Variants in HDAC8 observed in about 807,000 individuals in gnomAD.
HDAC8 encodes the protein histone deacetylase 8.
A neutral mutation model predicts 32.2 loss-of-function variants in HDAC8; 1 was observed. That is an observed-to-expected ratio of 0.03 (90% confidence interval 0.01 to 0.15). HDAC8 has a LOEUF of 0.15. Ranked by LOEUF, HDAC8 falls within the 10% of genes least tolerant of loss-of-function variation. The pLI is 1.00. For synonymous variants in HDAC8, 108 were observed against 113.9 expected, an observed-to-expected ratio of 0.95 and a Z score of 0.33; for missense variants, 117 against 300.0, an observed-to-expected ratio of 0.39 and a Z score of 4.51.
chrX:72,377,025 T>C (rs782537156), intron 9 of HDAC8: 1 of 110,781 alleles, frequency 9.0e-6, no homozygotes, highest in African/African-American at 3.3e-5. Flanking sequence ...GGTTGATGCA[T>C]GGAGTGGAGG....
chrX:72,472,035 G>A (rs952292495), intron 7 of HDAC8, among the ~76,000 whole-genome samples: 1 of 108,644 alleles, frequency 9.2e-6, no homozygotes. Flanking sequence ...ATGGTGCGAG[G>A]TAAGGGTCCA....
chrX:72,510,290 G>C (rs782650506), intron 4 of HDAC8, among the ~76,000 whole-genome samples: 2 of 111,937 alleles, frequency 1.8e-5, no homozygotes, highest in African/African-American at 6.5e-5. Context: ...TTAACTGTGT[G>C]ACAAAACTAC....
intron 7 of HDAC8, among the ~76,000 whole-genome samples, chrX:72,469,920 G>A (rs559216318): frequency 2.2e-4 from 24 of 110,302 alleles, no homozygotes; most frequent in African/African-American, 4.9e-4. Context: ...AGGCCGAGGC[G>A]GGCAGATCAC....
chrX:72,479,346 G>A (rs1226133903), intron 7 of HDAC8, among the ~76,000 whole-genome samples: 1 of 111,653 alleles, frequency 9.0e-6, no homozygotes, highest in Non-Finnish European at 1.9e-5. Context: ...GAATTTTGAT[G>A]TTAGAATATC....
intron 9 of HDAC8, among the ~76,000 whole-genome samples, chrX:72,401,917 A>G (rs2984299): frequency 0.46 from 51,346 of 111,379 alleles, 11,009 homozygotes; most frequent in African/African-American, 0.84. Flanking sequence ...AAAGAAAGTG[A>G]AAGAATTGCA....
intron 9 of HDAC8, among the ~76,000 whole-genome samples, chrX:72,423,502 C>A (rs2046549740): frequency 8.9e-6 from 1 of 112,115 alleles, no homozygotes; most frequent in South Asian, 3.7e-4. Flanking sequence ...CAATCTCCCA[C>A]ATCCATGCAC....
intron 4 of HDAC8, among the ~76,000 whole-genome samples, chrX:72,499,375 A>G (rs1161204677): frequency 1.8e-5 from 2 of 111,485 alleles, no homozygotes; most frequent in Admixed American, 9.6e-5. Flanking sequence ...TCAACCACAT[A>G]ATTGGACATA....
chrX:72,477,413 A>G (rs2048368105), intron 7 of HDAC8, among the ~76,000 whole-genome samples: 1 of 111,769 alleles, frequency 8.9e-6, no homozygotes, highest in Non-Finnish European at 1.9e-5. Flanking sequence ...TTCTTTTCCA[A>G]TTCAATTGCT....
At chrX:72,399,219 A>G (rs2045842189) in intron 9 of HDAC8, among the ~76,000 whole-genome samples, 1 of 111,435 alleles carries the variant, frequency 9.0e-6, no homozygotes, top group African/African-American at 3.3e-5. Context: ...TTTTTCCCCA[A>G]CATGATTTAT....
chrX:72,568,116 A>G (rs2147592150), intron 3 of HDAC8, 86 bp from the exon 4 acceptor site: 1 of 829,626 alleles, frequency 1.2e-6, no homozygotes, highest in Non-Finnish European at 1.8e-6. Flanking sequence ...AACCTAACCT[A>G]CTAAAAAGCC....
intron 9 of HDAC8, among the ~76,000 whole-genome samples, chrX:72,380,790 AC>A (rs1406542372): frequency 8.9e-6 from 1 of 112,064 alleles, no homozygotes; most frequent in Non-Finnish European, 1.9e-5. Context: ...TAAAAAAAAA[AC>A]AAGTGAAATT....
At chrX:72,336,179 A>C (rs1221980672) in intron 10 of HDAC8, among the ~76,000 whole-genome samples, 1 of 112,119 alleles carries the variant, frequency 8.9e-6, no homozygotes, top group Non-Finnish European at 1.9e-5. Flanking sequence ...CTACATCCTT[A>C]ACAGCATTTG....
In HDAC8 at chrX:72,497,740, T is replaced by C. The variant is rs1556014036; in HGVS notation, c.438-2472A>G. Among the ~76,000 whole-genome samples the C allele has an allele frequency of 2.7e-5, 3 of 112,130 alleles. No individual in the cohort carries two copies. In the East Asian group the frequency reaches 8.3e-4, roughly 31 times the overall value. On this transcript the variant is annotated intron_variant, in intron 4 of 10. Coordinates refer to ENST00000373573, the MANE Select transcript of HDAC8 (RefSeq NM_018486.3). ...AAACTTTATTTCAACAGTAATTATG[T>C]TTTGCAGTATATCAACTTGAAGATA...
intron 9 of HDAC8, among the ~76,000 whole-genome samples, chrX:72,376,281 A>G (rs2045073875): frequency 9.0e-6 from 1 of 111,723 alleles, no homozygotes; most frequent in Non-Finnish European, 1.9e-5. Flanking sequence ...TCATAATTTG[A>G]GACATTTTTT....
At chrX:72,535,559 C>A (rs2050495810) in intron 4 of HDAC8, among the ~76,000 whole-genome samples, 1 of 111,417 alleles carries the variant, frequency 9.0e-6, no homozygotes, top group African/African-American at 3.3e-5. Context: ...GAAATCTGCT[C>A]TTTGCTTTAT....
intron 10 of HDAC8, among the ~76,000 whole-genome samples, chrX:72,348,817 A>T (rs1555947826): frequency 1.8e-5 from 2 of 111,358 alleles, no homozygotes; most frequent in African/African-American, 6.5e-5. Context: ...ACTGTGACTC[A>T]TCTGCCAACC....
chrX:72,392,676 G>A (rs922169914), intron 9 of HDAC8, among the ~76,000 whole-genome samples: 1 of 111,933 alleles, frequency 8.9e-6, no homozygotes, highest in Non-Finnish European at 1.9e-5. Context: ...TCCAAACTTT[G>A]GCATTTAATA....
chrX:72,354,152 C>G (rs1341078857), intron 9 of HDAC8, among the ~76,000 whole-genome samples: 1 of 112,326 alleles, frequency 8.9e-6, no homozygotes, highest in Non-Finnish European at 1.9e-5. Flanking sequence ...CTGGTTTTAA[C>G]TAACTGAGCG....
In HDAC8 at chrX:72,572,776, C is replaced by T. The variant is rs782089066; in HGVS notation, c.-15G>A. ...GGCTCCTCCATCTTCCGCTTAAAAC[C>T]GTTCCGCAGCCACCTTCCAGATCTG... is the stretch of plus-strand genomic sequence containing the variant. On this transcript the variant is annotated 5_prime_UTR_variant, in exon 1 of 11. Coordinates refer to ENST00000373573, the MANE Select transcript of HDAC8 (RefSeq NM_018486.3). The T allele has an allele frequency of 1.7e-6, 2 of 1,179,948 alleles. No homozygotes were observed. Among genetic ancestry groups the T allele is most frequent in the South Asian group, 1.8e-5 (1 of 55,996 alleles).
Sources: allele counts gnomAD v4.1 joint callset (sites outside exome capture counted in the v4.1 genomes callset), GRCh38; gene constraint gnomAD v4.1.1; transcripts MANE v1.5; gene names NCBI Gene and HGNC (gene_info 2026-07-23, HGNC 2026-07-21).